Variants in DGCR8 observed in about 807,000 individuals in gnomAD.
DGCR8 encodes the protein DGCR8 microprocessor complex subunit.
In DGCR8, 14 loss-of-function variants were observed where a neutral mutation model predicts 78.5. That is an observed-to-expected ratio of 0.18 (90% confidence interval 0.12 to 0.28). The LOEUF (loss-of-function observed/expected upper bound fraction) is 0.28, where lower values mean the gene tolerates loss of function less well. Ranked by LOEUF, DGCR8 falls within the 10% of genes least tolerant of loss-of-function variation. The pLI is 1.00. For synonymous variants in DGCR8, 399 were observed against 402.4 expected (o/e 0.99, Z 0.10); for missense variants, 702 against 1,022.5 (o/e 0.69, Z 4.28).
Position 20,091,627 on chromosome 22 carries a change from A to G in DGCR8, c.1499A>G (p.Lys500Arg). 6.2e-7 allele frequency: 1 copy of G among 1,614,190 alleles called. No homozygotes were observed. The highest frequency in any genetic ancestry group is 8.5e-7 in the Non-Finnish European group (1 of 1,180,034). Residue 500 changes from lysine to arginine, a missense_variant, in exon 6 of 14, where the codon AAG becomes AGG. Physicochemically the swap from Lys to Arg is conservative, Grantham distance 26 (BLOSUM62 2). Transcript: ENST00000351989. The part of the protein sequence containing the change: ...ITLSVQDAPT[K>R]KEFVINPNGK... The stretch of plus-strand genomic sequence containing the variant: ...TTATCAGTGCAAGATGCACCCACAA[A>G]GAAAGGTATAAGCCTCTGCATTTTA...
chr22:20,109,885 C>A, intron 13 of DGCR8, 140 bp from the exon 14 acceptor site: 1 of 769,248 alleles, frequency 1.3e-6, no homozygotes, highest in Non-Finnish European at 2.1e-6. Context: ...CTCCTCCTAG[C>A]CTGGCATCAC....
chr22:20,094,733 C>T lies in DGCR8; in HGVS notation c.1726C>T (p.Leu576Phe), dbSNP rs2049607606. 6.2e-7 allele frequency: 1 copy of T among 1,614,062 alleles called. No homozygotes were observed. The highest frequency in any genetic ancestry group is 1.3e-5 in the African/African-American group (1 of 74,944). Reference protein sequence around the residue: ...NKAARATLEILIPDFVKQTSE... With the variant: ...NKAARATLEIFIPDFVKQTSE... ...CATAGCCCGAGCTACACTGGAAATCCTCATCCCTGACTTTGTTAAACAGAC... is the reference window on the plus strand; with the variant it reads ...CATAGCCCGAGCTACACTGGAAATCTTCATCCCTGACTTTGTTAAACAGAC... The change falls in exon 9 of 14, where the codon CTC becomes TTC. Residue 576 changes from leucine (L) to phenylalanine (F), a missense_variant. Transcript: ENST00000351989.
intron 9 of DGCR8, chr22:20,101,993 C>T: frequency 1.0e-6 from 1 of 985,150 alleles, no homozygotes; most frequent in Non-Finnish European, 1.2e-6. Context: ...TTTCACAAAG[C>T]TTGTGGTGAT....
intron 1 of DGCR8, chr22:20,080,692 A>G (rs1299478067): frequency 5.8e-6 from 1 of 171,018 alleles, no homozygotes; most frequent in Non-Finnish European, 1.2e-5. Context: ...AAAGGTGTGG[A>G]CAGGGCCAGT....
At chr22:20,083,381 G>A (rs1249555891) in intron 1 of DGCR8, among the ~76,000 whole-genome samples, 1 of 150,834 alleles carries the variant, frequency 6.6e-6, no homozygotes, top group Non-Finnish European at 1.5e-5. Flanking sequence ...GTGTGTGTGT[G>A]ATGAATGGAG....
chr22:20,084,616 G>C (rs986183782), intron 1 of DGCR8, among the ~76,000 whole-genome samples: 1 of 152,128 alleles, frequency 6.6e-6, no homozygotes, highest in African/African-American at 2.4e-5. Context: ...TTGTGGCCTC[G>C]GCACCTTCAG....
Position 20,091,915 on chromosome 22 carries a change from C to T in DGCR8, c.1551C>T (p.His517=), listed in dbSNP as rs534655918. 2.6e-5 allele frequency: 42 copies of T among 1,614,124 alleles called. No individual in the cohort carries two copies. The highest frequency in any genetic ancestry group is 1.6e-4 in the Middle Eastern group (1 of 6,062). The part of the protein sequence containing the change: ...PNGKSEVCIL[H]EYMQRVLKVR... ...GGAAATCCGAGGTCTGCATCCTGCACGAGTACATGCAGCGTGTCCTCAAGG... is the reference window on the plus strand; with the variant it reads ...GGAAATCCGAGGTCTGCATCCTGCATGAGTACATGCAGCGTGTCCTCAAGG... Residue 517 remains histidine, a synonymous_variant, in exon 7 of 14, where the codon CAC becomes CAT. Coordinates refer to ENST00000351989, the MANE Select transcript of DGCR8 (RefSeq NM_022720.7).
intron 12 of DGCR8, 25 bp downstream of exon 12, chr22:20,107,423 G>T: frequency 6.2e-7 from 1 of 1,613,426 alleles, no homozygotes; most frequent in Admixed American, 1.7e-5. Context: ...GCAGGTCCCA[G>T]GGCAGCCTGT....
intron 3 of DGCR8, among the ~76,000 whole-genome samples, chr22:20,088,771 A>AT (rs2049519183): frequency 6.6e-6 from 1 of 151,484 alleles, no homozygotes; most frequent in Non-Finnish European, 1.5e-5. Context: ...CCTTATGTAT[A>AT]TTTTTTAAGG....
intron 9 of DGCR8, chr22:20,101,364 A>C (rs973247247): frequency 3.5e-5 from 30 of 850,100 alleles, no homozygotes; most frequent in Non-Finnish European, 4.2e-5. Flanking sequence ...ATTACGAGGT[A>C]AGGACATCGA....
chr22:20,106,534 A>T (rs2049771662), intron 10 of DGCR8, 58 bp from the exon 11 acceptor site: 3 of 1,298,974 alleles, frequency 2.3e-6, no homozygotes, highest in South Asian at 1.2e-5. Context: ...AGGCCTCCTC[A>T]GAGGCAGCTG....
rs536331889 is a variant in DGCR8, at chr22:20,085,123, C to T, written c.-277-564C>T. On this transcript the variant is annotated intron_variant, in intron 1 of 13. Transcript: ENST00000351989. This position sits in a 1 kb window ranked among gnomAD's most constrained non-coding sequence, Gnocchi z 6.2. ...CTGGTGACCTCAGCACGCTGCATCA[C>T]TGTCCCCGTCCACGTGCTACCCTGT... The T allele has an allele frequency of 8.7e-5, 72 of 824,630 alleles. No homozygotes were observed. The South Asian group carries it at 2.7e-3, about 31-fold the overall frequency. The allele number at this position is 824,630 out of a possible 1,614,324, so 51.1% of individuals were successfully genotyped here. A position where few individuals can be genotyped will look rare whatever the true frequency, so the allele number is the denominator to read the frequency against.
In DGCR8 at chr22:20,086,633, A is replaced by C; in HGVS notation, c.670A>C (p.Ile224Leu). The C allele has an allele frequency of 1.9e-6, 3 of 1,611,962 alleles. No individual in the cohort carries two copies. The highest frequency in any genetic ancestry group is 2.5e-6 in the Non-Finnish European group (3 of 1,179,906). The change falls in exon 2 of 14, where the codon ATC becomes CTC. Residue 224 changes from isoleucine to leucine, a missense_variant. Ile to Leu is a conservative substitution (Grantham distance 5). This residue lies in a region of DGCR8 where 356 missense variants were observed against 448.9 expected (regional missense o/e 0.79). Transcript: ENST00000351989. The surrounding 1 kb of genome is among the most constrained non-coding windows in gnomAD (Gnocchi z 6.4). ...EGAGGFTAKA[I>L]VQRDRVDEEA... ...AGCAGGCGGGTTCACGGCTAAAGCA[A>C]TCGTTCAGAGAGACAGAGTGGATGA...
chr22:20,081,173 A>G (rs535006532), intron 1 of DGCR8, among the ~76,000 whole-genome samples: 1 of 152,336 alleles, frequency 6.6e-6, no homozygotes, highest in African/African-American at 2.4e-5. Flanking sequence ...GGAGGATGAC[A>G]AAAGGAACGG....
At position 20,110,215 on chromosome 22, in the gene DGCR8, C is replaced by T. The variant is rs1199881881; in HGVS notation, c.*107C>T. ...GTCAGGCCTCCAACCCACGCTCCTT[C>T]CCTGTGGCCAACCTGTGGGCCCGGC... On this transcript the variant is annotated 3_prime_UTR_variant, in exon 14 of 14. Coordinates refer to ENST00000351989, the MANE Select transcript of DGCR8 (RefSeq NM_022720.7). 1 of 1,179,760 alleles carries T rather than the reference C, an allele frequency of 8.5e-7. No homozygotes were observed. Among genetic ancestry groups the T allele is most frequent in the South Asian group, 1.3e-5 (1 of 75,216 alleles). 73.1% of individuals were successfully genotyped at this position (1,179,760 alleles called of 1,614,324 possible).
intron 1 of DGCR8, among the ~76,000 whole-genome samples, chr22:20,084,064 G>A (rs530690823): frequency 6.6e-6 from 1 of 152,370 alleles, no homozygotes; most frequent in South Asian, 2.1e-4. Flanking sequence ...TGACCTGCCA[G>A]TGTGTCCAGG....
chr22:20,094,106 T>A (rs1285824456), intron 8 of DGCR8, among the ~76,000 whole-genome samples: 1 of 152,210 alleles, frequency 6.6e-6, no homozygotes, highest in Non-Finnish European at 1.5e-5. Context: ...CTTTCCTCCC[T>A]ATGTGCTGGA....
At chr22:20,083,988 C>T (rs1428789086) in intron 1 of DGCR8, among the ~76,000 whole-genome samples, 1 of 152,170 alleles carries the variant, frequency 6.6e-6, no homozygotes, top group Non-Finnish European at 1.5e-5. Context: ...TGTGAAATTC[C>T]CATTAGATTC....
chr22:20,094,324 A>G (rs2049601847), intron 8 of DGCR8, among the ~76,000 whole-genome samples: 1 of 152,172 alleles, frequency 6.6e-6, no homozygotes, highest in South Asian at 2.1e-4. Flanking sequence ...CACGCCAGCC[A>G]CTGCTGCTGC....
Sources: allele counts gnomAD v4.1 joint callset (sites outside exome capture counted in the v4.1 genomes callset), GRCh38; gene constraint gnomAD v4.1.1; regional missense constraint gnomAD v4.1.1; non-coding constraint Gnocchi (gnomAD v3.1); transcripts MANE v1.5; gene names NCBI Gene and HGNC (gene_info 2026-07-23, HGNC 2026-07-21).